The following SLC4A4 variants were observed in gnomAD, a reference collection of about 807,000 sequenced individuals.
The protein encoded by SLC4A4 is solute carrier family 4 member 4, also known as electrogenic sodium bicarbonate cotransporter 1.
SLC4A4 carries 27 observed loss-of-function variants against 111.5 expected under a neutral mutation model. The observed-to-expected ratio is 0.24, with a 90% CI of 0.18 to 0.33. The LOEUF is 0.33. Ranked by LOEUF, SLC4A4 falls within the 10% of genes least tolerant of loss-of-function variation. The pLI is 1.00. For missense variants in SLC4A4, 909 were observed against 1,315.5 expected, an observed-to-expected ratio of 0.69 and a Z score of 4.78; for synonymous variants, 443 against 463.4, an observed-to-expected ratio of 0.96 and a Z score of 0.57.
chr4:71,497,399 T>C (rs1730510140), intron 15 of SLC4A4, 102 bp from the exon 16 acceptor site: 8 of 969,798 alleles, frequency 8.2e-6, no homozygotes, highest in Non-Finnish European at 1.3e-5. Context: ...CAAACTGTTT[T>C]ACAGAAACTT....
chr4:71,551,675 A>G (rs951828984), intron 20 of SLC4A4, among the ~76,000 whole-genome samples: 2 of 151,944 alleles, frequency 1.3e-5, no homozygotes, highest in Non-Finnish European at 2.9e-5. Flanking sequence ...AACAAAACAT[A>G]GTACTTGCTC....
intron 16 of SLC4A4, among the ~76,000 whole-genome samples, chr4:71,525,104 T>C (rs1733299196): frequency 6.6e-6 from 1 of 152,168 alleles, no homozygotes; most frequent in African/African-American, 2.4e-5. Context: ...TCTCAATAAT[T>C]AATACAGTAT....
intron 16 of SLC4A4, among the ~76,000 whole-genome samples, chr4:71,516,196 C>T (rs1450633319): frequency 9.6e-5 from 14 of 145,502 alleles, no homozygotes; most frequent in African/African-American, 1.5e-4. Flanking sequence ...CCCGGGTTCA[C>T]GCCATTCTCC....
At chr4:71,537,669 G>C (rs1205714128) in intron 18 of SLC4A4, among the ~76,000 whole-genome samples, 1 of 151,944 alleles carries the variant, frequency 6.6e-6, no homozygotes, top group Non-Finnish European at 1.5e-5. Context: ...GCAAGGCTGA[G>C]AGAGGCATGT....
chr4:71,424,516 A>ATGC (rs1422944746), intron 7 of SLC4A4, among the ~76,000 whole-genome samples: 1 of 152,050 alleles, frequency 6.6e-6, no homozygotes, highest in Non-Finnish European at 1.5e-5. Context: ...ACTATAAATC[A>ATGC]TGCTGCTATA....
chr4:71,207,015 T>C (rs946166275), intron 1 of SLC4A4, among the ~76,000 whole-genome samples: 2 of 152,148 alleles, frequency 1.3e-5, no homozygotes, highest in African/African-American at 4.8e-5. Context: ...GCTCCTCTTC[T>C]GTAAAATAAG....
chr4:71,567,932 G>A lies in SLC4A4; in HGVS notation c.*181G>A. 8.5e-7 allele frequency: 1 copy of A among 1,182,076 alleles called. No homozygotes were observed. The highest frequency in any genetic ancestry group is 1.2e-6 in the Non-Finnish European group (1 of 827,806). The allele number at this position is 1,182,076 out of a possible 1,614,324, so 73.2% of individuals were successfully genotyped here. On this transcript the variant is annotated 3_prime_UTR_variant, in exon 26 of 26. Coordinates refer to ENST00000264485, the MANE Select transcript of SLC4A4 (RefSeq NM_001098484.3). ...CTTAAAACTGACATTTGTTGTTAATGTCATTTGTTTTTGTTTGGCTGTTTG... is the reference window on the plus strand; with the variant it reads ...CTTAAAACTGACATTTGTTGTTAATATCATTTGTTTTTGTTTGGCTGTTTG...
chr4:71,451,170 C>A lies in SLC4A4; in HGVS notation c.1209-18C>A. The A allele has an allele frequency of 6.9e-7, 1 of 1,448,842 alleles. No individual in the cohort carries two copies. The highest frequency in any genetic ancestry group is 1.7e-4 in the Middle Eastern group (1 of 5,762). 89.7% of individuals were successfully genotyped at this position (1,448,842 alleles called of 1,614,324 possible). A position where few individuals can be genotyped will look rare whatever the true frequency, so the allele number is the denominator to read the frequency against. On this transcript the variant is annotated intron_variant, in intron 10 of 25. Coordinates refer to ENST00000264485, the MANE Select transcript of SLC4A4 (RefSeq NM_001098484.3). ...TAAAATAAACTAATATACTCTTGGG[C>A]TCTGTTGTCTTGCTTAGAAAGAATA...
intron 14 of SLC4A4, among the ~76,000 whole-genome samples, chr4:71,475,054 T>C (rs1350816313): frequency 6.6e-6 from 1 of 151,840 alleles, no homozygotes; most frequent in African/African-American, 2.4e-5. Context: ...ATTGTGAGAT[T>C]TTCAGCCTTC....
At chr4:71,359,519 C>G (rs927800106) in intron 6 of SLC4A4, among the ~76,000 whole-genome samples, 6 of 152,116 alleles carry the variant, frequency 3.9e-5, no homozygotes, top group African/African-American at 1.4e-4. Flanking sequence ...AAATTTTTGG[C>G]TTTCTAGAGG....
At chr4:71,295,675 T>C (rs1724732550) in intron 3 of SLC4A4, among the ~76,000 whole-genome samples, 1 of 149,846 alleles carries the variant, frequency 6.7e-6, no homozygotes, top group Non-Finnish European at 1.5e-5. Context: ...TTTCTTTTTT[T>C]TTACATGGAG....
chr4:71,243,052 CT>C (rs965783455), intron 2 of SLC4A4, among the ~76,000 whole-genome samples: 25 of 152,234 alleles, frequency 1.6e-4, no homozygotes, highest in African/African-American at 6.0e-4. Flanking sequence ...GTTAAATTGT[CT>C]TTTTTTCCAA....
intron 2 of SLC4A4, among the ~76,000 whole-genome samples, chr4:71,182,225 T>A (rs1183162095): frequency 6.6e-6 from 1 of 152,188 alleles, no homozygotes; most frequent in East Asian, 1.9e-4. Context: ...GAACTGAGCA[T>A]CCTTTGGTTG....
chr4:71,265,503 C>T (rs1274587954), intron 3 of SLC4A4, among the ~76,000 whole-genome samples: 1 of 151,962 alleles, frequency 6.6e-6, no homozygotes, highest in East Asian at 1.9e-4. Flanking sequence ...GAGAAAGAAG[C>T]AGAGGAAGTA....
intron 2 of SLC4A4, among the ~76,000 whole-genome samples, chr4:71,122,924 C>T (rs1178267407): frequency 1.3e-5 from 2 of 151,988 alleles, no homozygotes; most frequent in Non-Finnish European, 2.9e-5. Flanking sequence ...AGAAATAAAT[C>T]CAGAGGAATC....
At chr4:71,548,928 C>A (rs914436483) in intron 20 of SLC4A4, among the ~76,000 whole-genome samples, 2 of 151,968 alleles carry the variant, frequency 1.3e-5, no homozygotes, top group East Asian at 3.9e-4. Flanking sequence ...ACAGTATGCA[C>A]AAAATACTTG....
At chr4:71,072,278 A>T (rs953625159) in intron 1 of SLC4A4, among the ~76,000 whole-genome samples, 5 of 152,190 alleles carry the variant, frequency 3.3e-5, no homozygotes, top group African/African-American at 7.2e-5. Flanking sequence ...TATGACATTA[A>T]AATTTTGTAT....
At chr4:71,307,712 A>G (rs1181241394) in intron 3 of SLC4A4, among the ~76,000 whole-genome samples, 2 of 152,242 alleles carry the variant, frequency 1.3e-5, no homozygotes. Flanking sequence ...GAAGCAGTGC[A>G]TTCATGAGCA....
At chr4:71,349,251 G>A (rs767623175) in intron 4 of SLC4A4, among the ~76,000 whole-genome samples, 4 of 152,120 alleles carry the variant, frequency 2.6e-5, no homozygotes, top group South Asian at 2.1e-4. Context: ...GTTGTTCACC[G>A]AGCTTGTGTG....
Sources: gnomAD v4.1 joint callset for allele counts (sites outside exome capture counted in the v4.1 genomes callset) on GRCh38, gnomAD v4.1.1 for gene constraint, MANE v1.5 for transcripts, NCBI Gene and HGNC (gene_info 2026-07-23, HGNC 2026-07-21) for gene names.